The following CLCN6 variants were observed in gnomAD, a reference collection of about 807,000 sequenced individuals.
The protein encoded by CLCN6 is Cl-/H+ antiporter 6.
A neutral mutation model predicts 109.8 loss-of-function variants in CLCN6; 70 were observed. That is an observed-to-expected ratio of 0.64 (90% CI 0.53 to 0.78). The LOEUF is 0.78. CLCN6 is among the 30% of genes least tolerant of loss of function. The pLI, the probability that CLCN6 is intolerant of heterozygous loss-of-function variation, is 0.00. For synonymous variants in CLCN6, 444 were observed against 447.8 expected (o/e 0.99, Z 0.11); for missense variants, 984 against 1,142.3 (o/e 0.86, Z 2.00).
At chr1:11,812,569 C>G (rs1202953457) in intron 2 of CLCN6, among the ~76,000 whole-genome samples, 3 of 151,762 alleles carry the variant, frequency 2.0e-5, no homozygotes, top group African/African-American at 7.3e-5. Flanking sequence ...TGACCAGCCC[C>G]TTTTCTGAAG....
intron 9 of CLCN6, among the ~76,000 whole-genome samples, chr1:11,826,642 G>A (rs75049241): frequency 0.037 from 5,619 of 152,278 alleles, 152 homozygotes; most frequent in Middle Eastern, 0.078. Context: ...TTCAATCAGA[G>A]ACTCAGTTTA....
chr1:11,820,256 T>C, intron 5 of CLCN6: 1 of 634,920 alleles, frequency 1.6e-6, no homozygotes, highest in Non-Finnish European at 2.9e-6. Flanking sequence ...GCACCATGAC[T>C]GTGCCTGGGC....
Position 11,834,359 on chromosome 1 carries a change from G to A in CLCN6, c.1650G>A (p.Glu550=), listed in dbSNP as rs1422220863. ...LTVILIESTN[E]ITYGLPIMVT... Reference sequence around the variant, plus strand: ...TCATCCTGATCGAGTCCACCAATGAGATCACCTACGGGCTCCCCATCATGG... The same window carrying A: ...TCATCCTGATCGAGTCCACCAATGAAATCACCTACGGGCTCCCCATCATGG... Residue 550 remains glutamate (E), a synonymous_variant, in exon 16 of 23, where the codon GAG becomes GAA. Coordinates refer to ENST00000346436, the MANE Select transcript of CLCN6 (RefSeq NM_001286.5). This position sits in a 1 kb window ranked among gnomAD's most constrained non-coding sequence, Gnocchi z 4.5. 1 of 1,614,072 alleles carries A rather than the reference G, an allele frequency of 6.2e-7. No individual in the cohort carries two copies. The highest frequency in any genetic ancestry group is 8.5e-7 in the Non-Finnish European group (1 of 1,180,016).
At chr1:11,836,939 C>T in intron 18 of CLCN6, 60 bp from the exon 19 acceptor site, 1 of 1,584,916 alleles carries the variant, frequency 6.3e-7, no homozygotes, top group Non-Finnish European at 8.5e-7. Context: ...CCTTAAGCTC[C>T]ATCAGTACTG....
chr1:11,822,774 C>G lies in CLCN6; in HGVS notation c.426C>G (p.Phe142Leu), dbSNP rs1210908355. 1.2e-6 allele frequency: 2 copies of G among 1,613,808 alleles called. No individual in the cohort carries two copies. Among genetic ancestry groups the G allele is most frequent in the Non-Finnish European group, 1.7e-6 (2 of 1,179,812 alleles). The change falls in exon 6 of 23, where the codon TTC becomes TTG. Residue 142 changes from phenylalanine (F) to leucine (L), a missense_variant. Transcript: ENST00000346436. ...TGGGTTTTAACCTCACCTTTGTCTT[C>G]CTGGCAAGCCTCCTTGTTCTCATTG... ...ELLGFNLTFVFLASLLVLIEP... is the reference protein window; with the variant it reads ...ELLGFNLTFVLLASLLVLIEP...
At chr1:11,816,743 CCTGG>C in intron 4 of CLCN6, 63 bp downstream of exon 4, 6 of 1,238,014 alleles carry the variant, frequency 4.8e-6, no homozygotes, top group Non-Finnish European at 6.9e-6. Context: ...CAGGGAAAGC[CCTGG>C]CCTGGTGAAT....
intron 9 of CLCN6, among the ~76,000 whole-genome samples, chr1:11,826,750 A>G (rs971363194): frequency 6.6e-6 from 1 of 152,204 alleles, no homozygotes; most frequent in African/African-American, 2.4e-5. Flanking sequence ...TCTGGAAGGA[A>G]GATCCGGTGG....
intron 4 of CLCN6, among the ~76,000 whole-genome samples, chr1:11,818,181 A>G (rs1644698675): frequency 6.6e-6 from 1 of 152,150 alleles, no homozygotes; most frequent in Non-Finnish European, 1.5e-5. Context: ...TTTCTCTATA[A>G]TAAGCATAGT....
chr1:11,820,735 C>G (rs545995162), intron 5 of CLCN6: 106 of 192,586 alleles, frequency 5.5e-4, no homozygotes, highest in South Asian at 2.2e-3. Context: ...CCACTGCACT[C>G]CAGCCTGGGT....
chr1:11,806,713 C>G (rs1557775180), intron 1 of CLCN6: 4 of 355,476 alleles, frequency 1.1e-5, no homozygotes. Context: ...CTTTCTCACT[C>G]TATCCCTCAC....
In CLCN6 at chr1:11,834,661, T is replaced by C. The variant is rs1644922822; in HGVS notation, c.1793+71T>C. The C allele has an allele frequency of 7.7e-7, 1 of 1,290,602 alleles. No homozygotes were observed. Among genetic ancestry groups the C allele is most frequent in the African/African-American group, 1.5e-5 (1 of 67,978 alleles). The allele number at this position is 1,290,602 out of a possible 1,614,324, so 79.9% of individuals were successfully genotyped here. A position where few individuals can be genotyped will look rare whatever the true frequency, so the allele number is the denominator to read the frequency against. On this transcript the variant is annotated intron_variant, in intron 17 of 22. Transcript: ENST00000346436. The surrounding 1 kb of genome is among the most constrained non-coding windows in gnomAD (Gnocchi z 4.5). ...CTCTGAGGCCTAAGGAATGTTGTTA[T>C]TAGGGTAGGAAACAGTAACTCACTT...
intron 13 of CLCN6, 144 bp from the exon 14 acceptor site, chr1:11,833,371 G>C (rs759886724): frequency 4.9e-5 from 33 of 674,528 alleles, no homozygotes; most frequent in Admixed American, 3.0e-4. Context: ...CCGTGTGGCT[G>C]CCGTTGGTAG....
At chr1:11,823,139 C>T (rs779662574) in intron 6 of CLCN6, among the ~76,000 whole-genome samples, 20 of 152,194 alleles carry the variant, frequency 1.3e-4, no homozygotes, top group Non-Finnish European at 2.1e-4. Context: ...TCGTAACATA[C>T]CTGTACATGC....
intron 13 of CLCN6, among the ~76,000 whole-genome samples, chr1:11,831,033 A>G (rs759856280): frequency 4.0e-5 from 6 of 150,880 alleles, no homozygotes; most frequent in Non-Finnish European, 5.9e-5. Context: ...GTGTTTCACC[A>G]TGTTGGCCAG....
intron 7 of CLCN6, 64 bp downstream of exon 7, chr1:11,823,897 G>T (rs1253015883): frequency 1.3e-6 from 2 of 1,595,704 alleles, no homozygotes; most frequent in East Asian, 4.5e-5. Flanking sequence ...GAAGCATGAT[G>T]TATTTCAGTT....
At chr1:11,838,004 A>C (rs1241264462) in intron 20 of CLCN6, among the ~76,000 whole-genome samples, 3 of 152,192 alleles carry the variant, frequency 2.0e-5, no homozygotes, top group African/African-American at 7.2e-5. Context: ...GGACTTGGCC[A>C]TATCTTTTGG....
chr1:11,823,438 T>A (rs1237362355), intron 6 of CLCN6, among the ~76,000 whole-genome samples: 1 of 151,530 alleles, frequency 6.6e-6, no homozygotes, highest in Non-Finnish European at 1.5e-5. Flanking sequence ...GATTGTGCCA[T>A]TGCACTCCAG....
chr1:11,807,315 G>A, intron 2 of CLCN6, 125 bp downstream of exon 2: 1 of 779,290 alleles, frequency 1.3e-6, no homozygotes, highest in East Asian at 2.6e-5. Context: ...GAGTGGGTAA[G>A]AGAACTTCCT....
chr1:11,811,509 A>G (rs1644599088), intron 2 of CLCN6, among the ~76,000 whole-genome samples: 1 of 151,956 alleles, frequency 6.6e-6, no homozygotes, highest in African/African-American at 2.4e-5. Flanking sequence ...CAGCCTCCCA[A>G]GTAGCTGGGA....
Sources: gnomAD v4.1 joint callset for allele counts (sites outside exome capture counted in the v4.1 genomes callset) on GRCh38, gnomAD v4.1.1 for gene constraint, Gnocchi (gnomAD v3.1) non-coding constraint, MANE v1.5 for transcripts, NCBI Gene and HGNC (gene_info 2026-07-23, HGNC 2026-07-21) for gene names.